The following SMPD3 variants were observed in gnomAD, a reference collection of about 807,000 sequenced individuals.
SMPD3 encodes the protein sphingomyelin phosphodiesterase 3, also known as nSMase-2.
SMPD3 carries 21 observed loss-of-function variants against 55.7 expected under a neutral mutation model. That is an observed-to-expected ratio of 0.38 (90% CI 0.27 to 0.54). SMPD3 has a LOEUF of 0.54. SMPD3 is among the 20% of genes least tolerant of loss of function. The pLI, the probability that SMPD3 is intolerant of heterozygous loss-of-function variation, is 0.80. For synonymous variants in SMPD3, 457 were observed against 404.3 expected, an observed-to-expected ratio of 1.13 and a Z score of -1.56; for missense variants, 842 against 899.6, an observed-to-expected ratio of 0.94 and a Z score of 0.82.
chr16:68,418,121 G>A (rs942270760), intron 1 of SMPD3, among the ~76,000 whole-genome samples: 1 of 152,174 alleles, frequency 6.6e-6, no homozygotes, highest in African/African-American at 2.4e-5. Context: ...TTCCTGTTGT[G>A]TGCGGGCTGT....
intron 1 of SMPD3, among the ~76,000 whole-genome samples, chr16:68,405,672 G>A (rs2090249510): frequency 6.6e-6 from 1 of 151,836 alleles, no homozygotes; most frequent in African/African-American, 2.4e-5. Context: ...GTGACTTCTC[G>A]GTGTAAAAGT....
At chr16:68,380,482 G>C (rs2089924398) in intron 2 of SMPD3, among the ~76,000 whole-genome samples, 2 of 152,230 alleles carry the variant, frequency 1.3e-5, no homozygotes, top group Admixed American at 1.3e-4. Flanking sequence ...GCTGAGGCCT[G>C]TGCCTGGGCT....
rs968929235 is a variant in SMPD3, at chr16:68,447,287, C to A, written c.-269+1066G>T. On this transcript the variant is annotated intron_variant, in intron 1 of 8. Transcript: ENST00000219334. This position sits in a 1 kb window ranked among gnomAD's most constrained non-coding sequence, Gnocchi z 5.1. ...GAGCGGAGCAGCCCCCAAAGATTCGCGGGCACGAGGTTGGGGGTAGCGTCT... is the reference window on the plus strand; with the variant it reads ...GAGCGGAGCAGCCCCCAAAGATTCGAGGGCACGAGGTTGGGGGTAGCGTCT... 1.3e-5 allele frequency among the ~76,000 whole-genome samples: 2 copies of A among 152,192 alleles called. No homozygotes were observed. The highest frequency in any genetic ancestry group is 6.5e-5 in the Admixed American group (1 of 15,284).
chr16:68,377,417 C>T (rs1039733300), intron 2 of SMPD3, among the ~76,000 whole-genome samples: 1 of 152,234 alleles, frequency 6.6e-6, no homozygotes, highest in Non-Finnish European at 1.5e-5. Flanking sequence ...CCGGCAGCCC[C>T]AGACTGCGGC....
chr16:68,359,236 G>C lies in SMPD3; in HGVS notation c.*1970C>G, dbSNP rs1217546165. 6.6e-6 allele frequency: 1 copy of C among 152,540 alleles called. No individual in the cohort carries two copies. Among genetic ancestry groups the C allele is most frequent in the African/African-American group, 2.4e-5 (1 of 41,474 alleles). The allele number at this position is 152,540 out of a possible 1,614,324, so 9.4% of individuals were successfully genotyped here. A position where few individuals can be genotyped will look rare whatever the true frequency, so the allele number is the denominator to read the frequency against. On this transcript the variant is annotated 3_prime_UTR_variant, in exon 9 of 9. Coordinates refer to ENST00000219334, the MANE Select transcript of SMPD3 (RefSeq NM_018667.4). ...CCAGGGCCGGCCGGCCCAGTCGCTT[G>C]TGTGAGCAGAGTACCAGCTGCTTCT... is the stretch of plus-strand genomic sequence containing the variant.
intron 1 of SMPD3, among the ~76,000 whole-genome samples, chr16:68,423,894 G>T (rs1239553467): frequency 6.6e-6 from 1 of 152,086 alleles, no homozygotes; most frequent in African/African-American, 2.4e-5. Flanking sequence ...GGCTGAGGAG[G>T]CGGTGATGTC....
intron 1 of SMPD3, among the ~76,000 whole-genome samples, chr16:68,398,468 C>T (rs2090179234): frequency 6.6e-6 from 1 of 152,146 alleles, no homozygotes; most frequent in African/African-American, 2.4e-5. Flanking sequence ...GAGGAGGATC[C>T]TGGCCTGAGG....
intron 1 of SMPD3, among the ~76,000 whole-genome samples, chr16:68,391,246 G>A (rs13331322): frequency 0.032 from 4,916 of 152,282 alleles, 257 homozygotes; most frequent in African/African-American, 0.11. Context: ...CTGGATCTCT[G>A]TTAGTTGGAC....
intron 5 of SMPD3, 58 bp from the exon 6 acceptor site, chr16:68,363,924 C>T: frequency 6.9e-7 from 1 of 1,443,564 alleles, no homozygotes; most frequent in South Asian, 1.2e-5. Flanking sequence ...CCCACACGGC[C>T]TGTGCCCCTG....
chr16:68,442,823 A>C (rs911309416), intron 1 of SMPD3, among the ~76,000 whole-genome samples: 2 of 152,232 alleles, frequency 1.3e-5, no homozygotes, highest in Non-Finnish European at 2.9e-5. Flanking sequence ...CTGCAGTCAT[A>C]TGAGTCAGAG....
chr16:68,447,618 T>C lies in SMPD3; in HGVS notation c.-269+735A>G, dbSNP rs2152037924. ...GAGCGCGGGGGATTCCGAGTGTCAG[T>C]GCTTTCCTCCACCCGCGACTCCGAG... On this transcript the variant is annotated intron_variant, in intron 1 of 8. Transcript: ENST00000219334. The surrounding 1 kb of genome is among the most constrained non-coding windows in gnomAD (Gnocchi z 5.1). 6.6e-6 allele frequency among the ~76,000 whole-genome samples: 1 copy of C among 152,106 alleles called. No homozygotes were observed. The highest frequency in any genetic ancestry group is 1.9e-4 in the East Asian group (1 of 5,146).
rs2089170925 is a variant in SMPD3, at chr16:68,360,238, G to T, written c.*968C>A. The T allele has an allele frequency of 6.6e-6, 1 of 152,500 alleles. No individual in the cohort carries two copies. The highest frequency in any genetic ancestry group is 2.1e-4 in the South Asian group (1 of 4,842). 9.4% of individuals were successfully genotyped at this position (152,500 alleles called of 1,614,324 possible). A position where few individuals can be genotyped will look rare whatever the true frequency, so the allele number is the denominator to read the frequency against. Reference sequence around the variant, plus strand: ...AGGTGTCCCGTGGGGGAGAGGATTGGCAGAAAGAAGAGGATGTGTTGGTTT... The same window carrying T: ...AGGTGTCCCGTGGGGGAGAGGATTGTCAGAAAGAAGAGGATGTGTTGGTTT... On this transcript the variant is annotated 3_prime_UTR_variant, in exon 9 of 9. Transcript: ENST00000219334.
chr16:68,361,921 A>G (rs139227119), intron 7 of SMPD3, among the ~76,000 whole-genome samples, 162 bp from the exon 8 acceptor site: 1,555 of 152,306 alleles, frequency 0.01, 27 homozygotes, highest in African/African-American at 0.035. Flanking sequence ...AAAGGGCCTC[A>G]GCTGGGGGTA....
chr16:68,361,207 T>C lies in SMPD3; in HGVS notation c.1967A>G (p.Ter656TrpextTer99). 6.2e-7 allele frequency: 1 copy of C among 1,613,334 alleles called. No individual in the cohort carries two copies. Among genetic ancestry groups the C allele is most frequent in the Non-Finnish European group, 8.5e-7 (1 of 1,179,722 alleles). The change falls in exon 9 of 9, where the codon TAG (stop) becomes TGG (tryptophan). Residue 656 changes from the stop codon to tryptophan, a stop_lost. Coordinates refer to ENST00000219334, the MANE Select transcript of SMPD3 (RefSeq NM_018667.4). ...LMVSSGEEEA[*>W] is the part of the protein sequence containing the mutation. Reference sequence around the variant, plus strand: ...AGAGGCCCCGCTGCTCCGGACGGTCTATGCCTCCTCCTCCCCCGAAGACAC... The same window carrying C: ...AGAGGCCCCGCTGCTCCGGACGGTCCATGCCTCCTCCTCCCCCGAAGACAC...
chr16:68,432,335 C>A (rs4783632), intron 1 of SMPD3, among the ~76,000 whole-genome samples: 46,974 of 151,914 alleles, frequency 0.31, 9,098 homozygotes, highest in East Asian at 0.68. Flanking sequence ...GGATAGCAAT[C>A]CAGACCTAGG....
At chr16:68,385,922 A>G (rs1255904737) in intron 2 of SMPD3, among the ~76,000 whole-genome samples, 1 of 148,266 alleles carries the variant, frequency 6.7e-6, no homozygotes, top group Non-Finnish European at 1.5e-5. Flanking sequence ...GGGTTTTAAC[A>G]TTAAAAAATG....
chr16:68,413,221 G>A (rs188375187), intron 1 of SMPD3, among the ~76,000 whole-genome samples: 1 of 152,332 alleles, frequency 6.6e-6, no homozygotes, highest in Non-Finnish European at 1.5e-5. Flanking sequence ...GCTCACTGTG[G>A]GGACCGATTT....
chr16:68,427,902 T>G (rs2090449113), intron 1 of SMPD3, among the ~76,000 whole-genome samples: 1 of 152,172 alleles, frequency 6.6e-6, no homozygotes, highest in South Asian at 2.1e-4. Context: ...CAGGTTCACC[T>G]GAGGATCCAG....
At chr16:68,364,711 C>T (rs376128857) in intron 5 of SMPD3, 40 bp downstream of exon 5, 1 of 1,586,690 alleles carries the variant, frequency 6.3e-7, no homozygotes, top group Non-Finnish European at 8.6e-7. Flanking sequence ...CACAGCCTCC[C>T]CAGAGCTGGA....
Sources: allele counts gnomAD v4.1 joint callset (sites outside exome capture counted in the v4.1 genomes callset), GRCh38; gene constraint gnomAD v4.1.1; non-coding constraint Gnocchi (gnomAD v3.1); transcripts MANE v1.5; gene names NCBI Gene and HGNC (gene_info 2026-07-23, HGNC 2026-07-21).